Variants in TRDN observed in about 807,000 individuals in gnomAD.
The protein encoded by TRDN is triadin.
In TRDN, 161 loss-of-function variants were observed where a neutral mutation model predicts 149.7. The ratio of observed to expected loss-of-function variants is 1.08; its 90% CI spans 0.95 to 1.23. TRDN has a LOEUF of 1.23. Ranked by LOEUF, TRDN falls within the 50% of genes most tolerant of loss-of-function variation. The pLI, the probability that TRDN is intolerant of heterozygous loss-of-function variation, is 0.00. For missense variants in TRDN, 896 were observed against 823.5 expected (o/e 1.09, Z -1.08); for synonymous variants, 294 against 250.5 (o/e 1.17, Z -1.64).
chr6:123,593,624 T>G (rs1282906255), intron 1 of TRDN, among the ~76,000 whole-genome samples: 1 of 152,194 alleles, frequency 6.6e-6, no homozygotes, highest in East Asian at 1.9e-4. Flanking sequence ...AACATGGCAT[T>G]CTTCCTCTAT....
At chr6:123,487,523 A>G (rs547538425) in intron 9 of TRDN, among the ~76,000 whole-genome samples, 1 of 152,094 alleles carries the variant, frequency 6.6e-6, no homozygotes. Context: ...GATCCCATAA[A>G]CAGACTACTA....
intron 2 of TRDN, among the ~76,000 whole-genome samples, chr6:123,559,790 T>G (rs1781880244): frequency 6.6e-6 from 1 of 152,220 alleles, no homozygotes; most frequent in Admixed American, 6.5e-5. Flanking sequence ...CAAATTGTTT[T>G]GCCTATCCAC....
intron 1 of TRDN, among the ~76,000 whole-genome samples, chr6:123,605,451 T>C (rs951334457): frequency 3.3e-5 from 5 of 151,772 alleles, no homozygotes; most frequent in Non-Finnish European, 7.4e-5. Context: ...AGATGATTCA[T>C]ATGATTCAAG....
intron 21 of TRDN, among the ~76,000 whole-genome samples, chr6:123,348,075 T>G (rs1205457376): frequency 6.6e-6 from 1 of 152,026 alleles, no homozygotes; most frequent in East Asian, 1.9e-4. Flanking sequence ...AATTTTTCCT[T>G]TTTTTTCTGT....
chr6:123,307,009 G>A (rs898625843), intron 24 of TRDN, among the ~76,000 whole-genome samples: 10 of 151,986 alleles, frequency 6.6e-5, no homozygotes, highest in South Asian at 2.1e-4. Flanking sequence ...ATTTTTAACC[G>A]TTGCTGGTTA....
At chr6:123,221,437 C>G in intron 40 of TRDN, 50 bp downstream of exon 40, 1 of 1,336,138 alleles carries the variant, frequency 7.5e-7, no homozygotes, top group Non-Finnish European at 1.0e-6. Context: ...ATAGATGTAG[C>G]ATCTTTAATA....
chr6:123,243,871 G>A (rs139026703), intron 38 of TRDN, among the ~76,000 whole-genome samples: 1 of 152,144 alleles, frequency 6.6e-6, no homozygotes, highest in East Asian at 1.9e-4. Context: ...GGGTTGGAAA[G>A]GGTTAGAAAA....
chr6:123,491,770 G>A (rs1479679972), intron 9 of TRDN, among the ~76,000 whole-genome samples: 1 of 152,138 alleles, frequency 6.6e-6, no homozygotes, highest in Non-Finnish European at 1.5e-5. Context: ...AACTTTTGTT[G>A]TGTGAAAATA....
chr6:123,364,622 T>G (rs1781020337), intron 20 of TRDN, among the ~76,000 whole-genome samples: 2 of 152,218 alleles, frequency 1.3e-5, no homozygotes, highest in East Asian at 1.9e-4. Context: ...CACTCCAGCC[T>G]GGTGACAGAG....
At chr6:123,470,848 T>C (rs1334322047) in intron 9 of TRDN, 1 of 152,200 alleles carries the variant, frequency 6.6e-6, no homozygotes, top group African/African-American at 2.4e-5. Context: ...TTGGACTACA[T>C]AGGAGTAGTG....
chr6:123,357,360 A>AT (rs1780721456), intron 20 of TRDN, among the ~76,000 whole-genome samples: 1 of 152,088 alleles, frequency 6.6e-6, no homozygotes, highest in South Asian at 2.1e-4. Context: ...GGAAAAGGAG[A>AT]TTTTAGGTAT....
At chr6:123,396,119 A>C (rs758961188) in intron 12 of TRDN, among the ~76,000 whole-genome samples, 14 of 152,206 alleles carry the variant, frequency 9.2e-5, no homozygotes, top group Non-Finnish European at 1.9e-4. Flanking sequence ...CCCTGAGTCC[A>C]TACATGTACA....
At position 123,438,243 on chromosome 6, in the gene TRDN, A is replaced by G. The variant is rs1215769081; in HGVS notation, c.992-121T>C. On this transcript the variant is annotated intron_variant, in intron 11 of 40. Transcript: ENST00000334268. ...TGTATAGAGAAATCTTAAATCAGCC[A>G]TAAGTCATGTCAAATATGAATAAGG... The G allele has an allele frequency of 7.1e-6, 5 of 702,878 alleles. No individual in the cohort carries two copies. In the East Asian group the frequency reaches 9.0e-5, roughly 13 times the overall value. The allele number at this position is 702,878 out of a possible 1,614,324, so 43.5% of individuals were successfully genotyped here.
chr6:123,634,438 T>C (rs1786185355), intron 1 of TRDN, among the ~76,000 whole-genome samples: 1 of 150,754 alleles, frequency 6.6e-6, no homozygotes, highest in Non-Finnish European at 1.5e-5. Context: ...AAAATTCTGC[T>C]CTAAAAAAAA....
chr6:123,564,962 A>C (rs1046852660), intron 2 of TRDN, among the ~76,000 whole-genome samples: 1 of 152,190 alleles, frequency 6.6e-6, no homozygotes, highest in African/African-American at 2.4e-5. Flanking sequence ...TTAGGAAGGA[A>C]AAGAGTTACC....
chr6:123,425,116 G>A (rs1181984042), intron 12 of TRDN, among the ~76,000 whole-genome samples: 1 of 151,952 alleles, frequency 6.6e-6, no homozygotes, highest in Non-Finnish European at 1.5e-5. Context: ...ATGAATTAAG[G>A]AAGAGAAATA....
chr6:123,511,971 A>G (rs1226669311), intron 7 of TRDN, among the ~76,000 whole-genome samples: 1 of 148,256 alleles, frequency 6.7e-6, no homozygotes, highest in Admixed American at 6.9e-5. Context: ...TTTTAGAACA[A>G]TCTTCACTGC....
intron 1 of TRDN, among the ~76,000 whole-genome samples, chr6:123,610,623 A>G (rs1464312087): frequency 6.6e-6 from 1 of 152,230 alleles, no homozygotes; most frequent in Non-Finnish European, 1.5e-5. Context: ...CAAATGAGAC[A>G]TATCCATGCT....
chr6:123,463,303 CT>C (rs1185151463), intron 10 of TRDN, among the ~76,000 whole-genome samples: 1 of 150,600 alleles, frequency 6.6e-6, no homozygotes, highest in East Asian at 2.0e-4. Flanking sequence ...TGCCACTGCA[CT>C]TCCAGCCTGG....
Sources: gnomAD v4.1 joint callset for allele counts (sites outside exome capture counted in the v4.1 genomes callset) on GRCh38, gnomAD v4.1.1 for gene constraint, MANE v1.5 for transcripts, NCBI Gene and HGNC (gene_info 2026-07-23, HGNC 2026-07-21) for gene names.